PRKACB: variants seen among roughly 807,000 people sequenced by gnomAD.
PRKACB encodes the protein cAMP-dependent protein kinase catalytic subunit beta.
In PRKACB, 16 loss-of-function variants were observed where a neutral mutation model predicts 51.4. The observed-to-expected ratio is 0.31, with a 90% confidence interval of 0.21 to 0.47. The LOEUF (loss-of-function observed/expected upper bound fraction) is 0.47. Among genes scored for constraint, PRKACB ranks in the 20% least tolerant of loss-of-function variants. PRKACB has a pLI of 1.00. For missense variants in PRKACB, 309 were observed against 464.5 expected (o/e 0.67, Z 3.08); for synonymous variants, 147 against 154.4 (o/e 0.95, Z 0.35).
At chr1:84,214,093 C>A in intron 8 of PRKACB, 60 bp from the exon 9 acceptor site, 1 of 1,429,356 alleles carries the variant, frequency 7.0e-7, no homozygotes, top group Non-Finnish European at 9.2e-7. Flanking sequence ...TTTATGAAAT[C>A]AAAACAGAAA....
chr1:84,231,221 A>C (rs1259272496), intron 9 of PRKACB, among the ~76,000 whole-genome samples: 1 of 152,204 alleles, frequency 6.6e-6, no homozygotes, highest in African/African-American at 2.4e-5. Flanking sequence ...GCTGGATTAC[A>C]TTTATTGATT....
chr1:84,189,207 G>A (rs1254255821), intron 5 of PRKACB, among the ~76,000 whole-genome samples: 1 of 151,698 alleles, frequency 6.6e-6, no homozygotes, highest in Non-Finnish European at 1.5e-5. Flanking sequence ...ATCAGACACA[G>A]GAAGAATGTG....
At chr1:84,142,831 GGCCTTT>G (rs1653556571), upstream of PRKACB, among the ~76,000 whole-genome samples, 1 of 151,878 alleles carries the variant, frequency 6.6e-6, no homozygotes, top group African/African-American at 2.4e-5. Context: ...TTTTCTTATT[GGCCTTT>G]TATGTAGTCC....
chr1:84,180,235 A>C (rs1662951277), intron 2 of PRKACB, among the ~76,000 whole-genome samples: 1 of 102,120 alleles, frequency 9.8e-6, no homozygotes, highest in Admixed American at 1.1e-4. Flanking sequence ...ATGCAGCCAT[A>C]AAAAAGAATG....
At chr1:84,162,498 G>A (rs948388976) in intron 1 of PRKACB, among the ~76,000 whole-genome samples, 6 of 151,608 alleles carry the variant, frequency 4.0e-5, no homozygotes, top group Non-Finnish European at 8.8e-5. Context: ...GTGTTCTTCC[G>A]ACTGGATGAT....
intron 1 of PRKACB, among the ~76,000 whole-genome samples, chr1:84,120,209 A>T (rs755039980): frequency 6.6e-6 from 1 of 152,132 alleles, no homozygotes; most frequent in Non-Finnish European, 1.5e-5. Context: ...AGGGTATTAA[A>T]ATGTCTCAAC....
At chr1:84,233,515 A>C (rs1676105168) in intron 9 of PRKACB, among the ~76,000 whole-genome samples, 1 of 123,512 alleles carries the variant, frequency 8.1e-6, no homozygotes, top group African/African-American at 3.2e-5. Flanking sequence ...GTGTTTTCCA[A>C]CTTGGTTCCA....
At chr1:84,205,383 T>A (rs767728390) in intron 8 of PRKACB, 1 of 595,944 alleles carries the variant, frequency 1.7e-6, no homozygotes, top group Non-Finnish European at 2.1e-6. Flanking sequence ...GGAAACTAAC[T>A]AGTTTTTTAA....
intron 1 of PRKACB, among the ~76,000 whole-genome samples, chr1:84,159,300 ATTC>A (rs1655897626): frequency 1.3e-5 from 2 of 152,054 alleles, no homozygotes; most frequent in Non-Finnish European, 2.9e-5. Context: ...TTATTTACAT[ATTC>A]TTTAATTTCT....
intron 9 of PRKACB, among the ~76,000 whole-genome samples, chr1:84,216,835 C>A (rs779820784): frequency 1.3e-5 from 2 of 152,128 alleles, no homozygotes; most frequent in Non-Finnish European, 2.9e-5. Flanking sequence ...AATTCCAGGT[C>A]ACATTATCCC....
chr1:84,183,893 A>T, intron 3 of PRKACB, 144 bp from the exon 4 acceptor site: 1 of 823,752 alleles, frequency 1.2e-6, no homozygotes, highest in East Asian at 3.3e-5. Context: ...CCAACCTAAA[A>T]GTTGGTAATT....
At chr1:84,078,111 C>T (rs1036193721), upstream of PRKACB, 4 of 463,384 alleles carry the variant, frequency 8.6e-6, no homozygotes, top group South Asian at 5.5e-5. Context: ...CCGCCGCCGC[C>T]GCCGCCGCCG....
chr1:84,165,015 T>G, intron 1 of PRKACB: 1 of 1,533,132 alleles, frequency 6.5e-7, no homozygotes, highest in Non-Finnish European at 8.8e-7. Flanking sequence ...TCATGAGTGG[T>G]AAGTATGCTC....
chr1:84,090,484 G>A (rs1361906193), intron 1 of PRKACB, among the ~76,000 whole-genome samples: 1 of 152,170 alleles, frequency 6.6e-6, no homozygotes, highest in African/African-American at 2.4e-5. Flanking sequence ...CACTCTATAT[G>A]ACATCAGCTA....
chr1:84,099,363 G>A (rs1649162964), intron 1 of PRKACB, among the ~76,000 whole-genome samples: 1 of 123,812 alleles, frequency 8.1e-6, no homozygotes, highest in African/African-American at 2.7e-5. Context: ...CGAAGACATA[G>A]TAGTATGTTA....
At chr1:84,125,088 T>C (rs1435426339) in intron 1 of PRKACB, among the ~76,000 whole-genome samples, 1 of 152,208 alleles carries the variant, frequency 6.6e-6, no homozygotes, top group Non-Finnish European at 1.5e-5. Context: ...TATCTCACTG[T>C]TCTGTAGGTC....
At chr1:84,113,711 G>A (rs777857865) in intron 1 of PRKACB, among the ~76,000 whole-genome samples, 4 of 152,028 alleles carry the variant, frequency 2.6e-5, no homozygotes, top group Non-Finnish European at 4.4e-5. Flanking sequence ...ATGATAAACC[G>A]CAAAAACATG....
chr1:84,102,207 A>G (rs1359438922), intron 1 of PRKACB, among the ~76,000 whole-genome samples: 2 of 138,240 alleles, frequency 1.4e-5, no homozygotes, highest in East Asian at 4.1e-4. Context: ...CATCTCTACT[A>G]AAAAAAAAAA....
rs1285078805 is a variant in PRKACB at position 84,084,594 on chromosome 1, G to A, written c.46+6223G>A. ...AGGGATTTTGAGGGTCTGAACCAAG[G>A]TGGTAGAGGTTGGGATGGAGAAAAG... On this transcript the variant is annotated intron_variant, in intron 1 of 8. Coordinates refer to the PRKACB transcript ENST00000370688. Among the ~76,000 whole-genome samples the A allele has an allele frequency of 5.9e-5, 9 of 152,144 alleles. No individual in the cohort carries two copies. In the South Asian group the frequency reaches 1.5e-3, roughly 25 times the overall value.
Sources: allele counts gnomAD v4.1 joint callset (sites outside exome capture counted in the v4.1 genomes callset), GRCh38; gene constraint gnomAD v4.1.1; transcripts MANE v1.5; gene names NCBI Gene and HGNC (gene_info 2026-07-23, HGNC 2026-07-21).